Variants in MAGI2 observed in about 807,000 individuals in gnomAD.
MAGI2 encodes membrane associated guanylate kinase, WW and PDZ domain containing 2.
Under a neutral mutation model 133.3 loss-of-function variants are expected in MAGI2, and 35 were observed. The ratio of observed to expected loss-of-function variants is 0.26; its 90% CI spans 0.20 to 0.35. The LOEUF (loss-of-function observed/expected upper bound fraction) is 0.35. Ranked by LOEUF, MAGI2 falls within the 10% of genes least tolerant of loss-of-function variation. The probability of loss-of-function intolerance (pLI) is 1.00; values close to 1 mark genes in which losing one functional copy is unlikely to be tolerated. For synonymous variants in MAGI2, 729 were observed against 710.6 expected, an observed-to-expected ratio of 1.03 and a Z score of -0.41; for missense variants, 1,636 against 1,863.4, an observed-to-expected ratio of 0.88 and a Z score of 2.25.
chr7:78,283,271 G>C (rs1461348918), intron 9 of MAGI2, among the ~76,000 whole-genome samples: 9 of 152,026 alleles, frequency 5.9e-5, no homozygotes, highest in Non-Finnish European at 2.9e-5. Flanking sequence ...TGTTTTCTAG[G>C]CCTTCTTCAA....
intron 2 of MAGI2, among the ~76,000 whole-genome samples, chr7:78,881,453 A>T (rs113459111): frequency 0.06 from 8,970 of 150,540 alleles, 358 homozygotes; most frequent in Middle Eastern, 0.11. Context: ...GGGGAGGGAT[A>T]GCATTAGGAG....
intron 6 of MAGI2, among the ~76,000 whole-genome samples, chr7:78,380,000 T>G (rs1562916319): frequency 6.6e-6 from 1 of 151,886 alleles, no homozygotes; most frequent in African/African-American, 2.4e-5. Context: ...GGTAAAATAT[T>G]AAATAAAAAA....
intron 21 of MAGI2, among the ~76,000 whole-genome samples, chr7:78,070,172 CACATATATATATATATATATATAT>C (rs1246600086): frequency 6.9e-5 from 2 of 28,888 alleles, no homozygotes; most frequent in African/African-American, 2.2e-4. Flanking sequence ...TACACACACA[CACATATATATATATATATATATAT>C]ATATATATAT....
chr7:78,842,601 C>G (rs979985225), intron 2 of MAGI2, among the ~76,000 whole-genome samples: 13 of 151,594 alleles, frequency 8.6e-5, no homozygotes, highest in African/African-American at 3.2e-4. Flanking sequence ...TTAGTAAATA[C>G]ATCAGAATAG....
chr7:78,530,261 C>T (rs1797351647), intron 3 of MAGI2, among the ~76,000 whole-genome samples: 2 of 152,172 alleles, frequency 1.3e-5, no homozygotes, highest in Non-Finnish European at 2.9e-5. Context: ...TGTTTGATTG[C>T]TTTGGTCCAT....
intron 1 of MAGI2, among the ~76,000 whole-genome samples, chr7:79,357,191 T>C (rs1032976402): frequency 6.6e-6 from 1 of 152,190 alleles, no homozygotes; most frequent in Non-Finnish European, 1.5e-5. Flanking sequence ...CCCAAAGGAC[T>C]GGAAAGTCAA....
chr7:78,311,773 C>CTT (rs11332610), intron 9 of MAGI2, among the ~76,000 whole-genome samples: 3 of 138,978 alleles, frequency 2.2e-5, no homozygotes, highest in Admixed American at 7.3e-5. Context: ...TTCACAAATT[C>CTT]TTTTTTTTTT....
At chr7:79,256,801 T>C (rs1312430911) in intron 1 of MAGI2, among the ~76,000 whole-genome samples, 1 of 152,094 alleles carries the variant, frequency 6.6e-6, no homozygotes, top group African/African-American at 2.4e-5. Context: ...AAAATATCTT[T>C]AAAATTTATA....
At chr7:78,922,122 A>ATTCTTTCT (rs71095367) in intron 2 of MAGI2, among the ~76,000 whole-genome samples, 11,644 of 146,116 alleles carry the variant, frequency 0.08, 510 homozygotes, top group African/African-American at 0.12. Flanking sequence ...AGTACACTTG[A>ATTCTTTCT]TTCTTTCTTT....
At chr7:79,094,656 C>A (rs994469047) in intron 1 of MAGI2, among the ~76,000 whole-genome samples, 2 of 152,186 alleles carry the variant, frequency 1.3e-5, no homozygotes, top group Non-Finnish European at 2.9e-5. Context: ...CTCCTTGATC[C>A]ATGGGCTACA....
chr7:78,583,438 C>T (rs10247801), intron 3 of MAGI2: 17,065 of 185,324 alleles, frequency 0.092, 1,951 homozygotes, highest in East Asian at 0.52. Context: ...GCAGAGGTTG[C>T]GGTGAGCCGA....
chr7:78,918,791 T>C (rs1034072818), intron 2 of MAGI2, among the ~76,000 whole-genome samples: 3 of 152,134 alleles, frequency 2.0e-5, no homozygotes, highest in African/African-American at 7.2e-5. Flanking sequence ...ACCTCATTCA[T>C]TAAGGCCCAA....
At chr7:78,959,330 T>G (rs549470879) in intron 2 of MAGI2, among the ~76,000 whole-genome samples, 2 of 152,256 alleles carry the variant, frequency 1.3e-5, no homozygotes, top group South Asian at 4.1e-4. Flanking sequence ...TTAAGCATTG[T>G]AGTGTGCTGC....
chr7:78,899,203 C>A (rs1313679486), intron 2 of MAGI2, among the ~76,000 whole-genome samples: 1 of 151,852 alleles, frequency 6.6e-6, no homozygotes, highest in African/African-American at 2.4e-5. Flanking sequence ...GAAATTGAGA[C>A]AAAATGAAAA....
chr7:78,353,654 G>T (rs1157006193), intron 7 of MAGI2, among the ~76,000 whole-genome samples: 4 of 152,232 alleles, frequency 2.6e-5, no homozygotes, highest in Non-Finnish European at 5.9e-5. Context: ...CAAAGGAAGA[G>T]ACATGTAAAC....
chr7:78,501,822 C>A, intron 4 of MAGI2, 35 bp from the exon 5 acceptor site: 1 of 1,520,052 alleles, frequency 6.6e-7, no homozygotes, highest in Non-Finnish European at 9.1e-7. Context: ...TTAGTCACTC[C>A]AACCATGGTA....
At chr7:78,464,690 T>C (rs1268296657) in intron 6 of MAGI2, among the ~76,000 whole-genome samples, 4 of 152,132 alleles carry the variant, frequency 2.6e-5, no homozygotes, top group Admixed American at 6.5e-5. Flanking sequence ...GCTTGTGTTT[T>C]TAAATCCTAG....
At chr7:79,214,615 T>C (rs1829847375) in intron 1 of MAGI2, among the ~76,000 whole-genome samples, 1 of 140,906 alleles carries the variant, frequency 7.1e-6, no homozygotes, top group African/African-American at 2.6e-5. Context: ...AAGAAAAATT[T>C]ATATAAATAT....
intron 21 of MAGI2, among the ~76,000 whole-genome samples, chr7:78,070,162 T>G (rs867605772): frequency 1.9e-5 from 1 of 53,634 alleles, no homozygotes; most frequent in African/African-American, 6.3e-5. Flanking sequence ...CACATATATA[T>G]ACACACACAC....
Sources: gnomAD v4.1 joint callset for allele counts (sites outside exome capture counted in the v4.1 genomes callset) on GRCh38, gnomAD v4.1.1 for gene constraint, MANE v1.5 for transcripts, NCBI Gene and HGNC (gene_info 2026-07-23, HGNC 2026-07-21) for gene names.